The following NOL4 variants were observed in gnomAD, a reference collection of about 807,000 sequenced individuals.
NOL4 encodes the protein cancer/testis antigen 125.
In NOL4, 17 loss-of-function variants were observed where a neutral mutation model predicts 75.9. That is an observed-to-expected ratio of 0.22 (90% CI 0.15 to 0.34). NOL4 has a LOEUF of 0.34. Ranked by LOEUF, NOL4 falls within the 10% of genes least tolerant of loss-of-function variation. NOL4 has a pLI of 1.00. For synonymous variants in NOL4, 292 were observed against 289.9 expected (o/e 1.01, Z -0.07); for missense variants, 614 against 793.5 (o/e 0.77, Z 2.72).
intron 10 of NOL4, among the ~76,000 whole-genome samples, chr18:33,863,890 A>T (rs2063302997): frequency 1.3e-5 from 2 of 152,142 alleles, no homozygotes; most frequent in South Asian, 4.1e-4. Flanking sequence ...AGGTGTTCCC[A>T]TACAGCCTCC....
chr18:33,987,491 A>C (rs1661275714), intron 6 of NOL4, among the ~76,000 whole-genome samples: 2 of 152,114 alleles, frequency 1.3e-5, no homozygotes, highest in African/African-American at 4.8e-5. Flanking sequence ...AATGAGGCAA[A>C]GCCTGTTTTT....
At chr18:34,167,533 T>TAGAC (rs2032526441) in intron 1 of NOL4, among the ~76,000 whole-genome samples, 2 of 26,328 alleles carry the variant, frequency 7.6e-5, no homozygotes, top group African/African-American at 4.5e-4. Flanking sequence ...CTCAAATAAT[T>TAGAC]AGATAGATAG....
intron 2 of NOL4, among the ~76,000 whole-genome samples, chr18:34,119,229 T>G (rs2080005028): frequency 1.3e-5 from 2 of 152,320 alleles, no homozygotes; most frequent in Non-Finnish European, 2.9e-5. Flanking sequence ...CCTAACTACT[T>G]ATCTATCTAT....
At chr18:33,970,754 T>C (rs1445303061) in intron 6 of NOL4, among the ~76,000 whole-genome samples, 3 of 151,038 alleles carry the variant, frequency 2.0e-5, no homozygotes, top group African/African-American at 7.3e-5. Flanking sequence ...TGTGTGTGTA[T>C]GTGTATGTGT....
intron 2 of NOL4, among the ~76,000 whole-genome samples, chr18:34,119,782 T>C (rs1232714672): frequency 1.3e-5 from 2 of 151,978 alleles, no homozygotes; most frequent in Non-Finnish European, 2.9e-5. Context: ...CCACCACGCC[T>C]GGCTAATTTT....
chr18:34,120,690 G>C (rs189513652), intron 2 of NOL4, among the ~76,000 whole-genome samples: 2 of 152,306 alleles, frequency 1.3e-5, no homozygotes, highest in African/African-American at 4.8e-5. Flanking sequence ...AATGAAAAGT[G>C]AATGTGCTAC....
At chr18:34,134,788 A>G (rs922861030) in intron 1 of NOL4, among the ~76,000 whole-genome samples, 3 of 152,194 alleles carry the variant, frequency 2.0e-5, no homozygotes, top group African/African-American at 7.2e-5. Flanking sequence ...ATGGAATTAA[A>G]TTAGAAATTA....
chr18:33,948,536 A>G (rs1214885999), intron 8 of NOL4, among the ~76,000 whole-genome samples: 12 of 152,026 alleles, frequency 7.9e-5, no homozygotes, highest in Admixed American at 6.6e-4. Context: ...ATATTATTCT[A>G]TAACCAGCTA....
chr18:34,184,616 G>C (rs1472874719), intron 1 of NOL4, among the ~76,000 whole-genome samples: 2 of 152,032 alleles, frequency 1.3e-5, no homozygotes, highest in Non-Finnish European at 2.9e-5. Flanking sequence ...GCGACAGAGT[G>C]AACAGCAAGA....
intron 9 of NOL4, among the ~76,000 whole-genome samples, chr18:33,926,272 A>G (rs1342921211): frequency 6.7e-6 from 1 of 149,876 alleles, no homozygotes; most frequent in African/African-American, 2.5e-5. Flanking sequence ...AGGCAGGAGA[A>G]TCGCTTGAAC....
chr18:34,196,501 G>C (rs2035338324), intron 1 of NOL4, among the ~76,000 whole-genome samples: 1 of 152,100 alleles, frequency 6.6e-6, no homozygotes, highest in African/African-American at 2.4e-5. Context: ...TGTCCTCTAA[G>C]TGAAGTTGAC....
intron 1 of NOL4, among the ~76,000 whole-genome samples, chr18:34,184,704 G>T (rs984045188): frequency 3.3e-5 from 5 of 152,094 alleles, no homozygotes; most frequent in African/African-American, 1.2e-4. Context: ...AACATTAGGG[G>T]ATAGCATTTG....
Position 34,181,611 on chromosome 18 carries a change from C to G in NOL4, c.264+41379G>C, listed in dbSNP as rs746376197. The stretch of plus-strand genomic sequence containing the variant: ...TAAAAACTTTTGCATATAAATAACA[C>G]TATCAAAGAAGTCACAAGCCAACCC... On this transcript the variant is annotated intron_variant, in intron 1 of 10. Coordinates refer to ENST00000261592, the MANE Select transcript of NOL4 (RefSeq NM_003787.5). 4.0e-4 allele frequency among the ~76,000 whole-genome samples: 61 copies of G among 151,416 alleles called. 1 individual carries two copies. The highest frequency in any genetic ancestry group is 2.5e-4 in the Non-Finnish European group (17 of 67,548).
intron 5 of NOL4, among the ~76,000 whole-genome samples, chr18:34,028,494 A>C (rs758844391): frequency 4.6e-5 from 7 of 152,224 alleles, no homozygotes; most frequent in Non-Finnish European, 8.8e-5. Context: ...ATTGATAGCC[A>C]CACAACTAGC....
chr18:33,973,821 G>A (rs1227832149), intron 6 of NOL4, among the ~76,000 whole-genome samples: 2 of 152,170 alleles, frequency 1.3e-5, no homozygotes, highest in East Asian at 3.9e-4. Flanking sequence ...ACACAGATGG[G>A]CTGTCATCTA....
intron 9 of NOL4, among the ~76,000 whole-genome samples, chr18:33,885,594 G>T (rs1047160929): frequency 6.6e-6 from 1 of 152,072 alleles, no homozygotes; most frequent in Non-Finnish European, 1.5e-5. Context: ...GATGATCAGA[G>T]AACTATAAAT....
At chr18:34,120,833 A>G (rs1267874896) in intron 2 of NOL4, among the ~76,000 whole-genome samples, 2 of 152,206 alleles carry the variant, frequency 1.3e-5, no homozygotes, top group South Asian at 2.1e-4. Flanking sequence ...AAACATATAC[A>G]GGTAGCAGCA....
intron 10 of NOL4, among the ~76,000 whole-genome samples, chr18:33,865,599 A>T (rs1018302777): frequency 3.9e-5 from 6 of 152,166 alleles, no homozygotes; most frequent in African/African-American, 1.4e-4. Flanking sequence ...TCCACCTGAG[A>T]ATTTGTCCTT....
At chr18:34,198,527 A>G (rs2035497835) in intron 1 of NOL4, among the ~76,000 whole-genome samples, 1 of 151,876 alleles carries the variant, frequency 6.6e-6, no homozygotes, top group Non-Finnish European at 1.5e-5. Context: ...TTTAATTTAA[A>G]TTAAGAATTC....
Sources: allele counts gnomAD v4.1 joint callset (sites outside exome capture counted in the v4.1 genomes callset), GRCh38; gene constraint gnomAD v4.1.1; transcripts MANE v1.5; gene names NCBI Gene and HGNC (gene_info 2026-07-23, HGNC 2026-07-21).